GSE1: variants seen among roughly 807,000 people sequenced by gnomAD.
The protein encoded by GSE1 is Gse1 coiled-coil protein.
Under a neutral mutation model 112.6 loss-of-function variants are expected in GSE1, and 32 were observed. The observed-to-expected ratio is 0.28, with a 90% CI of 0.21 to 0.38. GSE1 has a LOEUF of 0.38. GSE1 is among the 10% of genes least tolerant of loss of function. GSE1 has a pLI of 1.00. For synonymous variants in GSE1, 1,115 were observed against 735.6 expected, an observed-to-expected ratio of 1.52 and a Z score of -8.35; for missense variants, 2,348 against 1,699.2, an observed-to-expected ratio of 1.38 and a Z score of -6.71.
chr16:85,292,395 C>G (rs1001036013), intron 1 of GSE1, among the ~76,000 whole-genome samples: 1 of 151,188 alleles, frequency 6.6e-6, no homozygotes, highest in Non-Finnish European at 1.5e-5. Context: ...GTGGCGCGAT[C>G]TTGGCTCACT....
intron 2 of GSE1, among the ~76,000 whole-genome samples, chr16:85,527,330 C>CG (rs1021519749): frequency 6.6e-6 from 1 of 152,240 alleles, no homozygotes; most frequent in Non-Finnish European, 1.5e-5. Context: ...CTGCCCCTGC[C>CG]GGGAGGGAGG....
At chr16:85,246,333 C>CACCCCACACGCTGTCTACACACA in intron 1 of GSE1, among the ~76,000 whole-genome samples, 1 of 31,556 alleles carries the variant, frequency 3.2e-5, no homozygotes, top group African/African-American at 1.4e-4. Flanking sequence ...ACACACACAC[C>CACCCCACACGCTGTCTACACACA]CCCCACACGC....
At chr16:85,360,480 T>C (rs2047042899) in intron 2 of GSE1, among the ~76,000 whole-genome samples, 1 of 152,168 alleles carries the variant, frequency 6.6e-6, no homozygotes, top group South Asian at 2.1e-4. Flanking sequence ...ACCAGGAGCA[T>C]GTCCCGCAGT....
intron 2 of GSE1, among the ~76,000 whole-genome samples, chr16:85,396,719 G>A (rs934008253): frequency 6.6e-6 from 1 of 152,260 alleles, no homozygotes; most frequent in Non-Finnish European, 1.5e-5. Flanking sequence ...ACACAAGTGG[G>A]AGGCCACAGG....
intron 1 of GSE1, among the ~76,000 whole-genome samples, chr16:85,596,842 C>T (rs887506751): frequency 6.6e-6 from 1 of 152,056 alleles, no homozygotes; most frequent in South Asian, 2.1e-4. Context: ...TCGAGATCAG[C>T]CTGGCCAATG....
chr16:85,199,695 TG>T (rs1228636772), intron 1 of GSE1, among the ~76,000 whole-genome samples: 1 of 152,084 alleles, frequency 6.6e-6, no homozygotes, highest in African/African-American at 2.4e-5. Context: ...AGTCTAAGTT[TG>T]GGAGCTCAGG....
At chr16:85,429,437 G>A (rs76514803) in intron 2 of GSE1, among the ~76,000 whole-genome samples, 4,094 of 152,292 alleles carry the variant, frequency 0.027, 190 homozygotes, top group African/African-American at 0.094. Context: ...CAAGGACGGG[G>A]GCTCTGGTGG....
chr16:85,380,885 C>T (rs1311271737), intron 2 of GSE1, among the ~76,000 whole-genome samples: 2 of 152,156 alleles, frequency 1.3e-5, no homozygotes, highest in Non-Finnish European at 2.9e-5. Context: ...TTCCAGTGGG[C>T]ATGGGAACGC....
intron 2 of GSE1, among the ~76,000 whole-genome samples, chr16:85,493,790 C>CAA (rs61555687): frequency 0.034 from 2,881 of 84,102 alleles, 106 homozygotes; most frequent in Non-Finnish European, 0.049. Flanking sequence ...GACTCCGTCT[C>CAA]AAAAAAAAAA....
At chr16:85,296,981 C>T (rs1485954921) in intron 1 of GSE1, among the ~76,000 whole-genome samples, 2 of 152,220 alleles carry the variant, frequency 1.3e-5, no homozygotes, top group African/African-American at 2.4e-5. Flanking sequence ...CTCCTTTGAC[C>T]TCACTCTGTG....
At chr16:85,234,187 T>C (rs1477812229) in intron 1 of GSE1, among the ~76,000 whole-genome samples, 2 of 152,104 alleles carry the variant, frequency 1.3e-5, no homozygotes, top group East Asian at 3.9e-4. Context: ...CTCCCCGCCC[T>C]CCTATATTTG....
chr16:85,441,501 G>A (rs1418517368), intron 2 of GSE1, among the ~76,000 whole-genome samples: 3 of 152,042 alleles, frequency 2.0e-5, no homozygotes, highest in East Asian at 1.9e-4. Context: ...CTAAAAATGC[G>A]AAAATTAGCT....
intron 2 of GSE1, among the ~76,000 whole-genome samples, chr16:85,548,243 A>AAAAGAAAG (rs796819003): frequency 7.6e-6 from 1 of 132,194 alleles, no homozygotes; most frequent in Non-Finnish European, 1.6e-5. Context: ...AAAAAAAAAA[A>AAAAGAAAG]AAAGAAAGAA....
At chr16:85,316,978 G>A (rs1035480218) in intron 1 of GSE1, among the ~76,000 whole-genome samples, 7 of 152,218 alleles carry the variant, frequency 4.6e-5, no homozygotes, top group East Asian at 1.9e-4. Context: ...TGTTGGGGGT[G>A]GGCTGCTGAG....
intron 1 of GSE1, among the ~76,000 whole-genome samples, chr16:85,222,237 G>A (rs1343645198): frequency 6.6e-6 from 1 of 152,204 alleles, no homozygotes; most frequent in Non-Finnish European, 1.5e-5. Flanking sequence ...TGCCCTGAGC[G>A]GGGCCCACCA....
At chr16:85,594,326 C>T (rs73271204) in intron 1 of GSE1, 19,168 of 151,570 alleles carry the variant, frequency 0.13, 4,039 homozygotes, top group African/African-American at 0.44. Flanking sequence ...TGCTCTCCAC[C>T]GAAGCCTCCT....
At chr16:85,291,852 C>T (rs1486412972) in intron 1 of GSE1, among the ~76,000 whole-genome samples, 1 of 152,196 alleles carries the variant, frequency 6.6e-6, no homozygotes, top group East Asian at 1.9e-4. Flanking sequence ...AACACTCGTC[C>T]CTCTCACCAC....
intron 1 of GSE1, among the ~76,000 whole-genome samples, chr16:85,298,056 A>G (rs1597326922): frequency 6.6e-6 from 1 of 152,208 alleles, no homozygotes; most frequent in African/African-American, 2.4e-5. Flanking sequence ...AAAGGCTGTA[A>G]TCTCCATTCT....
At chr16:85,279,443 CA>C in intron 1 of GSE1, among the ~76,000 whole-genome samples, 1 of 152,230 alleles carries the variant, frequency 6.6e-6, no homozygotes, top group Non-Finnish European at 1.5e-5. Flanking sequence ...CCTGTCTCTA[CA>C]AAAAGTACAA....
Sources: gnomAD v4.1 joint callset for allele counts (sites outside exome capture counted in the v4.1 genomes callset) on GRCh38, gnomAD v4.1.1 for gene constraint, MANE v1.5 for transcripts, NCBI Gene and HGNC (gene_info 2026-07-23, HGNC 2026-07-21) for gene names.